The following DIS3L2 variants were observed in gnomAD, a reference collection of about 807,000 sequenced individuals.
DIS3L2 encodes the protein DIS3-like exonuclease 2.
DIS3L2 carries 34 observed loss-of-function variants against 97.5 expected under a neutral mutation model. The observed-to-expected ratio is 0.35, with a 90% CI of 0.27 to 0.46. The LOEUF (loss-of-function observed/expected upper bound fraction) is 0.46. Ranked by LOEUF, DIS3L2 falls within the 20% of genes least tolerant of loss-of-function variation. The probability of loss-of-function intolerance (pLI) is 1.00; values close to 1 mark genes in which losing one functional copy is unlikely to be tolerated. For missense variants in DIS3L2, 1,038 were observed against 1,146.0 expected, an observed-to-expected ratio of 0.91 and a Z score of 1.36; for synonymous variants, 435 against 445.2, an observed-to-expected ratio of 0.98 and a Z score of 0.29.
chr2:231,996,040 A>C (rs115601480), intron 1 of DIS3L2, among the ~76,000 whole-genome samples: 1 of 152,196 alleles, frequency 6.6e-6, no homozygotes, highest in South Asian at 2.1e-4. Context: ...ACATCTGCCA[A>C]ACAGCTAGAG....
chr2:232,338,768 ATGGGTCCAC>A (rs1289459155), downstream of DIS3L2, among the ~76,000 whole-genome samples: 1 of 152,236 alleles, frequency 6.6e-6, no homozygotes, highest in East Asian at 1.9e-4. Flanking sequence ...ATGGCTCTCC[ATGGGTCCAC>A]TGGGGCCCAG....
At chr2:232,176,149 C>A (rs1213192043) in intron 9 of DIS3L2, among the ~76,000 whole-genome samples, 1 of 152,208 alleles carries the variant, frequency 6.6e-6, no homozygotes, top group African/African-American at 2.4e-5. Context: ...CCTTGGCCTC[C>A]CAAAGTGCTG....
At chr2:232,128,479 T>TTTTTTG (rs1698131913) in intron 6 of DIS3L2, among the ~76,000 whole-genome samples, 1 of 122,966 alleles carries the variant, frequency 8.1e-6, no homozygotes, top group Non-Finnish European at 1.7e-5. Context: ...TTTTTTTTTT[T>TTTTTTG]GGAGAGACAG....
chr2:232,202,959 G>T (rs1691937330), intron 9 of DIS3L2, among the ~76,000 whole-genome samples: 1 of 152,220 alleles, frequency 6.6e-6, no homozygotes, highest in Admixed American at 6.5e-5. Flanking sequence ...TCTGTGAAAT[G>T]GAGGCTTAGA....
At chr2:232,052,250 C>G (rs1695431555) in intron 5 of DIS3L2, among the ~76,000 whole-genome samples, 1 of 152,172 alleles carries the variant, frequency 6.6e-6, no homozygotes, top group South Asian at 2.1e-4. Context: ...TCTCGAACTC[C>G]TGACCTCAGG....
chr2:232,336,806 G>A lies in DIS3L2; in HGVS notation c.*176G>A. 1 of 1,429,484 alleles carries A rather than the reference G, an allele frequency of 7.0e-7. No individual in the cohort carries two copies. 88.6% of individuals were successfully genotyped at this position (1,429,484 alleles called of 1,614,324 possible). A position where few individuals can be genotyped will look rare whatever the true frequency, so the allele number is the denominator to read the frequency against. On this transcript the variant is annotated 3_prime_UTR_variant, in exon 21 of 21. Coordinates refer to ENST00000325385, the MANE Select transcript of DIS3L2 (RefSeq NM_152383.5). ...TAAACAAACTGCAGGGGAGAGGGTG[G>A]GGCTGGAAGGAAGGCTGAGGCCTGG...
intron 5 of DIS3L2, among the ~76,000 whole-genome samples, chr2:232,066,850 T>G (rs916619691): frequency 2.0e-5 from 3 of 151,980 alleles, no homozygotes; most frequent in African/African-American, 7.3e-5. Context: ...TCTTCTTGTA[T>G]CTGTCTTGGT....
rs189856027 is a variant in DIS3L2, at chr2:232,211,153, C to G, written c.1204+748C>G. Reference sequence around the variant, plus strand: ...CCCCTCTCCCCCTCCCTTCCCCTCCCCTCCTCTTCTCAACAGAGTCCCACT... The same window carrying G: ...CCCCTCTCCCCCTCCCTTCCCCTCCGCTCCTCTTCTCAACAGAGTCCCACT... On this transcript the variant is annotated intron_variant, in intron 10 of 20. Coordinates refer to ENST00000325385, the MANE Select transcript of DIS3L2 (RefSeq NM_152383.5). Among the ~76,000 whole-genome samples the G allele has an allele frequency of 4.4e-3, 662 of 151,814 alleles. 5 individuals are homozygous for G. The highest frequency in any genetic ancestry group is 0.024 in the Middle Eastern group (7 of 294).
chr2:232,130,889 C>T (rs560838307), intron 7 of DIS3L2, 170 bp downstream of exon 7: 147 of 984,946 alleles, frequency 1.5e-4, no homozygotes, highest in Middle Eastern at 1.1e-3. Flanking sequence ...CATATAAATA[C>T]GAATCCATCT....
intron 8 of DIS3L2, among the ~76,000 whole-genome samples, chr2:232,144,048 G>A (rs1431088138): frequency 2.0e-5 from 3 of 151,580 alleles, no homozygotes; most frequent in African/African-American, 7.3e-5. Flanking sequence ...ACTCATTTTA[G>A]TCGATAATAT....
chr2:232,053,512 G>A (rs1444077202), intron 5 of DIS3L2, among the ~76,000 whole-genome samples: 2 of 152,110 alleles, frequency 1.3e-5, no homozygotes, highest in African/African-American at 4.8e-5. Flanking sequence ...CAGGTTAAGG[G>A]CTTATACCAC....
chr2:232,332,386 C>T (rs532897034), intron 16 of DIS3L2, among the ~76,000 whole-genome samples: 341 of 152,252 alleles, frequency 2.2e-3, no homozygotes, highest in Non-Finnish European at 4.0e-3. Context: ...TAACGGGAGC[C>T]GGCTGTCTGT....
chr2:232,157,740 G>A (rs1417161135), intron 8 of DIS3L2, among the ~76,000 whole-genome samples: 1 of 152,202 alleles, frequency 6.6e-6, no homozygotes, highest in African/African-American at 2.4e-5. Flanking sequence ...AGAGTTGGTT[G>A]CTGCTGCTGG....
At chr2:232,218,407 A>G (rs1223708916) in intron 10 of DIS3L2, among the ~76,000 whole-genome samples, 2 of 152,184 alleles carry the variant, frequency 1.3e-5, no homozygotes, top group Non-Finnish European at 2.9e-5. Context: ...TTCTTCAGTA[A>G]TTCTCAGCCT....
chr2:232,339,400 G>A (rs1696058920), downstream of DIS3L2, among the ~76,000 whole-genome samples: 1 of 152,200 alleles, frequency 6.6e-6, no homozygotes, highest in Non-Finnish European at 1.5e-5. Flanking sequence ...AGGCAGGAGG[G>A]GCTGTGATTG....
downstream of DIS3L2, among the ~76,000 whole-genome samples, chr2:232,341,659 T>C (rs1210281437): frequency 6.6e-6 from 1 of 152,218 alleles, no homozygotes; most frequent in Non-Finnish European, 1.5e-5. Context: ...ATGCTCATTT[T>C]CCTCAGTGGG....
At chr2:232,197,570 C>G (rs915814336) in intron 9 of DIS3L2, among the ~76,000 whole-genome samples, 2 of 152,112 alleles carry the variant, frequency 1.3e-5, no homozygotes, top group Non-Finnish European at 2.9e-5. Context: ...AAAATGAAGT[C>G]ATTGTCAACC....
chr2:232,010,595 T>C (rs1193092438), intron 1 of DIS3L2, among the ~76,000 whole-genome samples: 1 of 152,168 alleles, frequency 6.6e-6, no homozygotes, highest in African/African-American at 2.4e-5. Flanking sequence ...GCTCATCTTT[T>C]TCTCTCTCTA....
chr2:232,030,808 T>C (rs1694784591), intron 5 of DIS3L2, among the ~76,000 whole-genome samples: 1 of 152,198 alleles, frequency 6.6e-6, no homozygotes, highest in Non-Finnish European at 1.5e-5. Context: ...TTTGGCTTTT[T>C]TGTTTTATTT....
Sources: gnomAD v4.1 joint callset for allele counts (sites outside exome capture counted in the v4.1 genomes callset) on GRCh38, gnomAD v4.1.1 for gene constraint, MANE v1.5 for transcripts, NCBI Gene and HGNC (gene_info 2026-07-23, HGNC 2026-07-21) for gene names.